The following ZNF385B variants were observed in gnomAD, a reference collection of about 807,000 sequenced individuals.
The protein encoded by ZNF385B is zinc finger protein 385B, also known as zinc finger protein 533.
ZNF385B carries 23 observed loss-of-function variants against 39.2 expected under a neutral mutation model. The ratio of observed to expected loss-of-function variants is 0.59; its 90% CI spans 0.42 to 0.83. The LOEUF (loss-of-function observed/expected upper bound fraction) is 0.83. Ranked by LOEUF, ZNF385B falls within the 40% of genes least tolerant of loss-of-function variation. ZNF385B has a pLI of 0.00. For missense variants in ZNF385B, 552 were observed against 598.9 expected, an observed-to-expected ratio of 0.92 and a Z score of 0.82; for synonymous variants, 205 against 222.6, an observed-to-expected ratio of 0.92 and a Z score of 0.70.
chr2:179,782,957 T>A (rs1704759498), intron 1 of ZNF385B, among the ~76,000 whole-genome samples: 1 of 152,190 alleles, frequency 6.6e-6, no homozygotes, highest in African/African-American at 2.4e-5. Context: ...ACGAATGACA[T>A]TCTTCAGAGA....
intron 3 of ZNF385B, among the ~76,000 whole-genome samples, chr2:179,687,423 A>G (rs1239579137): frequency 1.3e-5 from 2 of 151,984 alleles, no homozygotes; most frequent in African/African-American, 4.8e-5. Context: ...AAATTTCTCT[A>G]TTTCAATTAT....
chr2:179,783,096 C>G (rs1214965940), intron 1 of ZNF385B, among the ~76,000 whole-genome samples: 1 of 152,124 alleles, frequency 6.6e-6, no homozygotes, highest in Non-Finnish European at 1.5e-5. Flanking sequence ...TACAGGACTA[C>G]AGTAACCAAA....
In ZNF385B at chr2:179,648,237, G is replaced by C. The variant is rs201011664; in HGVS notation, c.299-103268C>G. On this transcript the variant is annotated intron_variant, in intron 3 of 9. Coordinates refer to ENST00000410066, the MANE Select transcript of ZNF385B (RefSeq NM_152520.6). ...CATGTGGTGTGTCAGAGCCCAGTTG[G>C]GATGAGGAGGCATCTAATAAGGAAA... Among the ~76,000 whole-genome samples, 8 of 152,192 alleles carry C rather than the reference G, an allele frequency of 5.3e-5. No individual in the cohort carries two copies. The East Asian group carries it at 1.5e-3, about 29-fold the overall frequency.
chr2:179,460,504 C>A (rs73037350), intron 6 of ZNF385B, among the ~76,000 whole-genome samples: 2 of 152,124 alleles, frequency 1.3e-5, no homozygotes, highest in South Asian at 4.1e-4. Flanking sequence ...TGTAGTTAAA[C>A]GATAACCAGC....
intron 3 of ZNF385B, among the ~76,000 whole-genome samples, chr2:179,661,958 GAAGT>G (rs374599650): frequency 1.1e-3 from 166 of 152,300 alleles, no homozygotes; most frequent in African/African-American, 3.8e-3. Flanking sequence ...CACTTAAAAA[GAAGT>G]ACTATGATTT....
At chr2:179,696,797 A>C (rs1207780718) in intron 3 of ZNF385B, among the ~76,000 whole-genome samples, 1 of 152,196 alleles carries the variant, frequency 6.6e-6, no homozygotes, top group African/African-American at 2.4e-5. Context: ...AACAGAACTC[A>C]ACATTGATAT....
At chr2:179,603,745 C>G (rs1343730379) in intron 3 of ZNF385B, among the ~76,000 whole-genome samples, 1 of 152,166 alleles carries the variant, frequency 6.6e-6, no homozygotes, top group Non-Finnish European at 1.5e-5. Context: ...GGGTTAGTCA[C>G]TGATGAAAAT....
chr2:179,848,482 C>T (rs2219670), intron 1 of ZNF385B, among the ~76,000 whole-genome samples: 48,540 of 152,004 alleles, frequency 0.32, 8,025 homozygotes, highest in Admixed American at 0.44. Flanking sequence ...TCTTTACAAC[C>T]TGAACTTCAT....
At chr2:179,820,940 T>C (rs1262371587) in intron 1 of ZNF385B, among the ~76,000 whole-genome samples, 3 of 152,204 alleles carry the variant, frequency 2.0e-5, no homozygotes, top group Non-Finnish European at 4.4e-5. Flanking sequence ...CTATGCCACA[T>C]TTATTTTTCA....
chr2:179,450,659 A>T (rs1447897718), intron 6 of ZNF385B, among the ~76,000 whole-genome samples: 1 of 152,080 alleles, frequency 6.6e-6, no homozygotes, highest in East Asian at 1.9e-4. Flanking sequence ...GTGGGACTGT[A>T]AACTAGTTCA....
intron 8 of ZNF385B, 41 bp from the exon 9 acceptor site, chr2:179,445,018 C>A: frequency 6.5e-7 from 1 of 1,544,792 alleles, no homozygotes; most frequent in South Asian, 1.1e-5. Flanking sequence ...AAATGTGAGT[C>A]TTATTCCATG....
At chr2:179,682,596 T>G (rs192053831) in intron 3 of ZNF385B, among the ~76,000 whole-genome samples, 8 of 152,350 alleles carry the variant, frequency 5.3e-5, no homozygotes, top group Admixed American at 5.2e-4. Flanking sequence ...GGCACAGGCC[T>G]GTGTAATCTC....
chr2:179,695,791 A>G (rs552486243), intron 3 of ZNF385B, among the ~76,000 whole-genome samples: 240 of 152,348 alleles, frequency 1.6e-3, no homozygotes, highest in African/African-American at 5.4e-3. Flanking sequence ...CTTGTATGCA[A>G]TTGTTTACAG....
At chr2:179,580,858 C>A (rs972144682) in intron 3 of ZNF385B, among the ~76,000 whole-genome samples, 13 of 152,202 alleles carry the variant, frequency 8.5e-5, no homozygotes, top group African/African-American at 2.9e-4. Flanking sequence ...GCAGGGCCAA[C>A]TGAACTCTGT....
intron 3 of ZNF385B, among the ~76,000 whole-genome samples, chr2:179,647,523 C>T (rs141461558): frequency 2.1e-3 from 314 of 152,256 alleles, no homozygotes; most frequent in Middle Eastern, 0.01. Context: ...AAGAGGACCA[C>T]AGTCTCCTGC....
At chr2:179,807,324 A>T (rs1353306006) in intron 1 of ZNF385B, among the ~76,000 whole-genome samples, 1 of 152,178 alleles carries the variant, frequency 6.6e-6, no homozygotes, top group African/African-American at 2.4e-5. Flanking sequence ...AAGGCTGGGC[A>T]CGGTGGCTCA....
intron 4 of ZNF385B, among the ~76,000 whole-genome samples, chr2:179,526,601 A>C (rs1400349856): frequency 6.7e-6 from 1 of 150,362 alleles, no homozygotes; most frequent in Non-Finnish European, 1.5e-5. Flanking sequence ...GTCTCAAGAA[A>C]AAAAGAGAAA....
intron 3 of ZNF385B, among the ~76,000 whole-genome samples, chr2:179,552,123 T>C (rs1299483692): frequency 2.0e-5 from 3 of 149,390 alleles, no homozygotes; most frequent in Non-Finnish European, 4.4e-5. Flanking sequence ...TAATGGATTA[T>C]GTCATAATAC....
At chr2:179,514,027 C>T (rs528678108) in intron 5 of ZNF385B, 1 of 152,318 alleles carries the variant, frequency 6.6e-6, no homozygotes, top group South Asian at 2.1e-4. Flanking sequence ...TATTAGTTTT[C>T]TGTTGCTTTC....
Sources: gnomAD v4.1 joint callset for allele counts (sites outside exome capture counted in the v4.1 genomes callset) on GRCh38, gnomAD v4.1.1 for gene constraint, MANE v1.5 for transcripts, NCBI Gene and HGNC (gene_info 2026-07-23, HGNC 2026-07-21) for gene names.